Variants in ZNF142 observed in about 807,000 individuals in gnomAD.
ZNF142 encodes zinc finger protein 142.
Under a neutral mutation model 132.1 loss-of-function variants are expected in ZNF142, and 96 were observed. That is an observed-to-expected ratio of 0.73 (90% CI 0.62 to 0.86). ZNF142 has a LOEUF of 0.86. ZNF142 is among the 40% of genes least tolerant of loss of function. The probability of loss-of-function intolerance (pLI) is 0.00; values close to 1 mark genes in which losing one functional copy is unlikely to be tolerated. For missense variants in ZNF142, 2,163 were observed against 2,336.2 expected (o/e 0.93, Z 1.53); for synonymous variants, 842 against 890.1 (o/e 0.95, Z 0.96).
In ZNF142 at chr2:218,637,376, A is replaced by T. The variant is rs11903515; in HGVS notation, c.*963T>A. On this transcript the variant is annotated 3_prime_UTR_variant, in exon 11 of 11. Coordinates refer to ENST00000411696, the MANE Select transcript of ZNF142 (RefSeq NM_001379659.1). ...AGCAGACAAAAGGTTATGTGGTCCC[A>T]GCCTTCCTGAAGAGTCTGGCTGGAA... Among the ~76,000 whole-genome samples, 2 of 152,202 alleles carry T rather than the reference A, an allele frequency of 1.3e-5. No homozygotes were observed. The highest frequency in any genetic ancestry group is 4.8e-5 in the African/African-American group (2 of 41,434).
In ZNF142 at chr2:218,637,508, C is replaced by T. The variant is rs967536238; in HGVS notation, c.*831G>A. 3.9e-5 allele frequency among the ~76,000 whole-genome samples: 6 copies of T among 152,368 alleles called. No homozygotes were observed. The highest frequency in any genetic ancestry group is 5.9e-5 in the Non-Finnish European group (4 of 68,036). On this transcript the variant is annotated 3_prime_UTR_variant, in exon 11 of 11. Transcript: ENST00000411696. The stretch of plus-strand genomic sequence containing the variant: ...TGATCAATTATATAGTAAGGCACTA[C>T]AGAATTATACTGTGAAGCAGTTATA...
Position 218,643,244 on chromosome 2 carries a change from C to T in ZNF142, c.3872G>A (p.Gly1291Glu). 1 of 1,614,242 alleles carries T rather than the reference C, an allele frequency of 6.2e-7. No homozygotes were observed. Among genetic ancestry groups the T allele is most frequent in the Admixed American group, 1.7e-5 (1 of 60,032 alleles). The change falls in exon 9 of 11, where the codon GGG becomes GAG. Residue 1291 changes from glycine to glutamate, a missense_variant. Gly to Glu is a moderately conservative substitution (Grantham distance 98). Coordinates refer to ENST00000411696, the MANE Select transcript of ZNF142 (RefSeq NM_001379659.1). ...CTGCTTTTGAACCAGAACTGTATCC[C>T]CATCACCAGAGCTGGACTCTGTACT... is the stretch of plus-strand genomic sequence containing the variant. ...NGSTESSSGD[G>E]DTVLVQKQKG...
chr2:218,634,449 G>A lies in ZNF142; in HGVS notation c.*3890C>T. ...GAATCTTGCTCTTCTTTTCTCCTGG[G>A]GCCCTCAGTGGCCATGAATATGCAG... On this transcript the variant is annotated 3_prime_UTR_variant, in exon 11 of 11. Coordinates refer to ENST00000411696, the MANE Select transcript of ZNF142 (RefSeq NM_001379659.1). This position sits in a 1 kb window ranked among gnomAD's most constrained non-coding sequence, Gnocchi z 4.0. 1 of 1,608,370 alleles carries A rather than the reference G, an allele frequency of 6.2e-7. No individual in the cohort carries two copies. Among genetic ancestry groups the A allele is most frequent in the South Asian group, 1.1e-5 (1 of 90,316 alleles).
rs755534894 is a variant in ZNF142 at position 218,642,394 on chromosome 2, C to A, written c.4722G>T (p.Arg1574Ser). ...GACAGCGGTGGCTGAAATGCTGCTG[C>A]CTCCGGTGCTCATCCAGAGCCAGTC... is the stretch of plus-strand genomic sequence containing the variant. ...PSRLALDEHR[R>S]QQHFSHRCQL... Residue 1574 changes from arginine (R) to serine (S), a missense_variant, in exon 9 of 11, where the codon AGG becomes AGT. Arg to Ser is a moderately radical substitution (Grantham distance 110). This residue lies in a region of ZNF142 where 809 missense variants were observed against 801.7 expected (regional missense o/e 1.01). Coordinates refer to ENST00000411696, the MANE Select transcript of ZNF142 (RefSeq NM_001379659.1). This position sits in a 1 kb window ranked among gnomAD's most constrained non-coding sequence, Gnocchi z 4.6. 1.9e-6 allele frequency: 3 copies of A among 1,612,828 alleles called. No individual in the cohort carries two copies. Among genetic ancestry groups the A allele is most frequent in the African/African-American group, 2.7e-5 (2 of 74,954 alleles).
rs754873631 is a variant in ZNF142 at position 218,644,581 on chromosome 2, C to T, written c.2535G>A (p.Gly845=). The change falls in exon 9 of 11, where the codon GGG becomes GGA. Residue 845 remains glycine, a synonymous_variant. Transcript: ENST00000411696. The surrounding 1 kb of genome is among the most constrained non-coding windows in gnomAD (Gnocchi z 4.6). ...ARPEGPGHEP[G]TVVDPSLDQA... The stretch of plus-strand genomic sequence containing the variant: ...GGTCCAAGCTGGGGTCCACCACAGT[C>T]CCAGGTTCGTGACCTGGCCCCTCAG... 6.2e-7 allele frequency: 1 copy of T among 1,614,160 alleles called. No individual in the cohort carries two copies. The highest frequency in any genetic ancestry group is 1.1e-5 in the South Asian group (1 of 91,076).
At position 218,644,648 on chromosome 2, in the gene ZNF142, G is replaced by A; in HGVS notation, c.2468C>T (p.Pro823Leu). 2 of 1,614,244 alleles carry A rather than the reference G, an allele frequency of 1.2e-6. No homozygotes were observed. Among genetic ancestry groups the A allele is most frequent in the Admixed American group, 1.7e-5 (1 of 60,032 alleles). Residue 823 changes from proline to leucine, a missense_variant, in exon 9 of 11, where the codon CCC (proline) becomes CTC (leucine). Coordinates refer to ENST00000411696, the MANE Select transcript of ZNF142 (RefSeq NM_001379659.1). This position sits in a 1 kb window ranked among gnomAD's most constrained non-coding sequence, Gnocchi z 4.6. Reference sequence around the variant, plus strand: ...GTTTGAGGGCTCTGAATCTGGTGGGGGTGTTGGGCCCTGCATGGCCCCTTC... The same window carrying A: ...GTTTGAGGGCTCTGAATCTGGTGGGAGTGTTGGGCCCTGCATGGCCCCTTC... ...EPEGAMQGPTPPPDSEPSNQL... is the reference protein window; with the variant it reads ...EPEGAMQGPTLPPDSEPSNQL...
Position 218,636,592 on chromosome 2 carries a change from G to C in ZNF142, c.*1747C>G, listed in dbSNP as rs201287573. On this transcript the variant is annotated 3_prime_UTR_variant, in exon 11 of 11. Transcript: ENST00000411696. ...ATGAGTCCTGAGGTGGGCATTTCAC[G>C]GGAAGGGTTGGTGTGCTGGCTTTAG... The C allele has an allele frequency of 4.3e-6, 7 of 1,611,020 alleles. No individual in the cohort carries two copies. Among genetic ancestry groups the C allele is most frequent in the Non-Finnish European group, 5.9e-6 (7 of 1,177,496 alleles).
intron 8 of ZNF142, among the ~76,000 whole-genome samples, chr2:218,645,332 A>G (rs1176238736): frequency 6.6e-6 from 1 of 152,216 alleles, no homozygotes; most frequent in South Asian, 2.1e-4. Flanking sequence ...CTGTGTTCTA[A>G]GCCCTATTCT....
Position 218,651,786 on chromosome 2 carries a change from G to C in ZNF142, c.795C>G (p.Phe265Leu), listed in dbSNP as rs544600151. The C allele has an allele frequency of 2.9e-5, 37 of 1,289,894 alleles. 1 individual carries two copies. In the East Asian group the frequency reaches 1.1e-3, roughly 39 times the overall value. The allele number at this position is 1,289,894 out of a possible 1,614,324, so 79.9% of individuals were successfully genotyped here. The change falls in exon 5 of 11, where the codon TTC (phenylalanine) becomes TTG (leucine). Residue 265 changes from phenylalanine (F) to leucine (L), a missense_variant. Phe to Leu is a conservative substitution (Grantham distance 22). Around this residue, in one of 7 missense-constraint regions of ZNF142, gnomAD observed 63 missense variants for 104.1 expected, o/e 0.61. Transcript: ENST00000411696. The part of the protein sequence containing the change: ...CSFIGSNVKL[F>L]RQHQRSHGAG... ...CACCATGGCTCCGCTGATGCTGCCG[G>C]AAGAGTTTGACGTTGGAGCCTATGA...
intron 4 of ZNF142, among the ~76,000 whole-genome samples, chr2:218,653,658 C>G (rs902658854): frequency 5.9e-5 from 9 of 152,050 alleles, no homozygotes; most frequent in African/African-American, 1.9e-4. Flanking sequence ...CACCTTCACA[C>G]GCACAATTTG....
At chr2:218,640,111 G>A (rs1017499223) in intron 10 of ZNF142, among the ~76,000 whole-genome samples, 6 of 147,140 alleles carry the variant, frequency 4.1e-5, no homozygotes, top group Non-Finnish European at 7.5e-5. Flanking sequence ...GAGGGAAGAG[G>A]TAGAGGTGAA....
chr2:218,651,265 T>G (rs976156869), intron 5 of ZNF142, among the ~76,000 whole-genome samples: 1 of 152,224 alleles, frequency 6.6e-6, no homozygotes, highest in African/African-American at 2.4e-5. Context: ...CACAGGCATG[T>G]GCCACAGTGC....
At chr2:218,647,445 C>T (rs1421272411) in intron 7 of ZNF142, among the ~76,000 whole-genome samples, 2 of 24,238 alleles carry the variant, frequency 8.3e-5, no homozygotes, top group African/African-American at 2.1e-4. Flanking sequence ...AGCCTCCTCC[C>T]CTCAAATTTT....
In ZNF142 at chr2:218,637,170, C is replaced by A; in HGVS notation, c.*1169G>T. The A allele has an allele frequency of 4.0e-6, 1 of 249,760 alleles. No individual in the cohort carries two copies. The highest frequency in any genetic ancestry group is 8.0e-6 in the Non-Finnish European group (1 of 124,758). 15.5% of individuals were successfully genotyped at this position (249,760 alleles called of 1,614,324 possible). On this transcript the variant is annotated 3_prime_UTR_variant, in exon 11 of 11. Transcript: ENST00000411696. ...GCCCCACTGGTATAAATACATCTCT[C>A]TCCAATTTGGCTTCAATATGGTCTG...
Position 218,634,599 on chromosome 2 carries a change from GC to G in ZNF142, c.*3739del. The G allele has an allele frequency of 6.2e-7, 1 of 1,614,020 alleles. No individual in the cohort carries two copies. The highest frequency in any genetic ancestry group is 1.1e-5 in the South Asian group (1 of 91,082). ...TCTTTCCACCCTGAGAAGCCCATCA[GC>G]CCTTTCAAAGCCCAGACTCTCTTAA... On this transcript the variant is annotated 3_prime_UTR_variant, in exon 11 of 11. Coordinates refer to ENST00000411696, the MANE Select transcript of ZNF142 (RefSeq NM_001379659.1). The surrounding 1 kb of genome is among the most constrained non-coding windows in gnomAD (Gnocchi z 4.0).
Position 218,638,733 on chromosome 2 carries a change from G to T in ZNF142, c.5270C>A (p.Thr1757Asn). The T allele has an allele frequency of 6.2e-7, 1 of 1,613,264 alleles. No homozygotes were observed. ...RADALRVHQE[T>N]RHREARAFMC... The stretch of plus-strand genomic sequence containing the variant: ...GAAAGCCCGTGCTTCTCGATGCCGG[G>T]TCTCCTGGTGCACACGCAGTGCATC... The change falls in exon 11 of 11, where the codon ACC (threonine) becomes AAC (asparagine). Residue 1757 changes from threonine (T) to asparagine (N), a missense_variant. Thr to Asn is a moderately conservative substitution (Grantham distance 65). Transcript: ENST00000411696.
chr2:218,656,875 T>A (rs1416323452), intron 3 of ZNF142, among the ~76,000 whole-genome samples: 1 of 150,464 alleles, frequency 6.6e-6, no homozygotes, highest in East Asian at 2.0e-4. Flanking sequence ...TGGAGTGCAG[T>A]GGCGTGATCT....
In ZNF142 at chr2:218,656,443, T is replaced by C; in HGVS notation, c.-14A>G. 1 of 1,414,932 alleles carries C rather than the reference T, an allele frequency of 7.1e-7. No individual in the cohort carries two copies. The highest frequency in any genetic ancestry group is 9.3e-7 in the Non-Finnish European group (1 of 1,076,320). 87.6% of individuals were successfully genotyped at this position (1,414,932 alleles called of 1,614,324 possible). ...GGGGTCTGTCATCACCACCGACTTG[T>C]GTGTTTTGGCTTCTTAAATGCTGAC... is the stretch of plus-strand genomic sequence containing the variant. On this transcript the variant is annotated 5_prime_UTR_variant, in exon 4 of 11. Coordinates refer to ENST00000411696, the MANE Select transcript of ZNF142 (RefSeq NM_001379659.1).
chr2:218,653,536 T>C (rs1938212865), intron 4 of ZNF142, among the ~76,000 whole-genome samples: 1 of 151,472 alleles, frequency 6.6e-6, no homozygotes, highest in African/African-American at 2.4e-5. Flanking sequence ...GATCACGCCA[T>C]TGCACTGCAG....
Sources: allele counts gnomAD v4.1 joint callset (sites outside exome capture counted in the v4.1 genomes callset), GRCh38; gene constraint gnomAD v4.1.1; regional missense constraint gnomAD v4.1.1; non-coding constraint Gnocchi (gnomAD v3.1); transcripts MANE v1.5; gene names NCBI Gene and HGNC (gene_info 2026-07-23, HGNC 2026-07-21).